Variants in ZNF143 observed in about 807,000 individuals in gnomAD.
ZNF143 encodes SPH-binding factor.
Under a neutral mutation model 74.1 loss-of-function variants are expected in ZNF143, and 49 were observed. The ratio of observed to expected loss-of-function variants is 0.66; its 90% CI spans 0.53 to 0.84. The LOEUF is 0.84. ZNF143 is among the 40% of genes least tolerant of loss of function. The pLI, the probability that ZNF143 is intolerant of heterozygous loss-of-function variation, is 0.00. For synonymous variants in ZNF143, 304 were observed against 282.8 expected, an observed-to-expected ratio of 1.07 and a Z score of -0.75; for missense variants, 637 against 793.4, an observed-to-expected ratio of 0.80 and a Z score of 2.37.
In ZNF143 at chr11:9,476,746, C is replaced by CTTTTTTTTTTTTTT. The variant is rs869069237; in HGVS notation, c.374-1626_374-1613dup. ...TTGTTGTGAAGCCAAAGGGAGGAAT[C>CTTTTTTTTTTTTTT]TTTTTTTTTTTTTTTTTTTTTTTTT... On this transcript the variant is annotated intron_variant, in intron 5 of 15. Transcript: ENST00000396602. Among the ~76,000 whole-genome samples, 9 of 34,834 alleles carry CTTTTTTTTTTTTTT rather than the reference C, an allele frequency of 2.6e-4. 2 individuals are homozygous for CTTTTTTTTTTTTTT. Among genetic ancestry groups the CTTTTTTTTTTTTTT allele is most frequent in the Non-Finnish European group, 3.7e-4 (7 of 18,722 alleles). The allele number at this position is 34,834 out of a possible 152,430, so 22.9% of individuals were successfully genotyped here.
intron 8 of ZNF143, 145 bp downstream of exon 8, chr11:9,494,910 G>C: frequency 1.2e-6 from 1 of 859,922 alleles, no homozygotes; most frequent in Non-Finnish European, 1.7e-6. Context: ...ACACAGACAT[G>C]TAAAAACCTA....
At chr11:9,496,434 A>G in intron 9 of ZNF143, 56 bp downstream of exon 9, 1 of 1,470,706 alleles carries the variant, frequency 6.8e-7, no homozygotes. Context: ...AAGTAGAGAC[A>G]GGCTAGTGGA....
chr11:9,501,925 CTTTTTT>C (rs57169874), intron 11 of ZNF143, among the ~76,000 whole-genome samples: 2 of 37,436 alleles, frequency 5.3e-5, no homozygotes, highest in South Asian at 1.3e-3. Flanking sequence ...TGGATATATT[CTTTTTT>C]TTTTTTTTTT....
intron 9 of ZNF143, 86 bp downstream of exon 9, chr11:9,496,464 G>C: frequency 8.8e-7 from 1 of 1,137,192 alleles, no homozygotes. Context: ...CCCCTTGGCT[G>C]TGTCTGAATC....
intron 11 of ZNF143, among the ~76,000 whole-genome samples, chr11:9,502,241 CTT>C (rs1183629630): frequency 1.9e-4 from 11 of 56,968 alleles, no homozygotes; most frequent in Non-Finnish European, 2.4e-4. Flanking sequence ...TGGCCATATT[CTT>C]TTTTTTTTTT....
intron 11 of ZNF143, among the ~76,000 whole-genome samples, chr11:9,505,550 T>C (rs545253958): frequency 6.6e-6 from 1 of 152,168 alleles, no homozygotes; most frequent in South Asian, 2.1e-4. Context: ...TTGTGTGCTA[T>C]ACATAAACAT....
intron 5 of ZNF143, among the ~76,000 whole-genome samples, chr11:9,477,524 G>C (rs1590525975): frequency 6.6e-6 from 1 of 151,990 alleles, no homozygotes; most frequent in East Asian, 1.9e-4. Flanking sequence ...CAAAGTGTTG[G>C]GATTACAGGC....
At chr11:9,499,238 C>G (rs1440986925) in intron 10 of ZNF143, among the ~76,000 whole-genome samples, 1 of 152,038 alleles carries the variant, frequency 6.6e-6, no homozygotes, top group Non-Finnish European at 1.5e-5. Context: ...CAGAAGATTA[C>G]AGTGCAAAAA....
At chr11:9,493,171 G>A (rs1333107216) in intron 7 of ZNF143, among the ~76,000 whole-genome samples, 1 of 150,914 alleles carries the variant, frequency 6.6e-6, no homozygotes, top group African/African-American at 2.4e-5. Flanking sequence ...CCAGGTTCAA[G>A]CGATTCTCCT....
rs756778809 is a variant in ZNF143, at chr11:9,471,331, G to A, written c.23G>A (p.Arg8Gln). The change falls in exon 2 of 16, where the codon CGA (arginine) becomes CAA (glutamine). Residue 8 changes from arginine (R) to glutamine (Q), a missense_variant. By Grantham distance (43) the Arg-to-Gln change is conservative (BLOSUM62 1). Around this residue, in one of 2 missense-constraint regions of ZNF143, gnomAD observed 293 missense variants for 307.8 expected, o/e 0.95. Coordinates refer to ENST00000396602, the MANE Select transcript of ZNF143 (RefSeq NM_003442.6). ...AAGATGTTGTTAGCCCAAATAAATC[G>A]AGATTCTCAGGGAATGACAGAGTTT... MLLAQINRDSQGMTEFPG... is the reference protein window; with the variant it reads MLLAQINQDSQGMTEFPG... 1.9e-6 allele frequency: 3 copies of A among 1,611,320 alleles called. No individual in the cohort carries two copies. The highest frequency in any genetic ancestry group is 1.7e-5 in the Admixed American group (1 of 59,502).
At chr11:9,469,412 A>G (rs1468155894) in intron 1 of ZNF143, among the ~76,000 whole-genome samples, 1 of 151,638 alleles carries the variant, frequency 6.6e-6, no homozygotes, top group East Asian at 2.0e-4. Context: ...TTGTATTTTT[A>G]GTAGTGACGG....
At chr11:9,481,898 A>G (rs958126332) in intron 7 of ZNF143, among the ~76,000 whole-genome samples, 3 of 151,594 alleles carry the variant, frequency 2.0e-5, no homozygotes, top group African/African-American at 7.3e-5. Context: ...AAAAAAAAAA[A>G]AAAATTTCAG....
intron 7 of ZNF143, among the ~76,000 whole-genome samples, chr11:9,481,730 A>C (rs1237432519): frequency 1.3e-5 from 2 of 151,696 alleles, no homozygotes; most frequent in African/African-American, 4.8e-5. Flanking sequence ...TCTACTAAAA[A>C]TACAAGAATT....
At chr11:9,485,933 G>A (rs1188734027) in intron 7 of ZNF143, among the ~76,000 whole-genome samples, 1 of 151,200 alleles carries the variant, frequency 6.6e-6, no homozygotes, top group African/African-American at 2.5e-5. Context: ...CAACCCTACT[G>A]AGTCTCTCAC....
chr11:9,474,392 G>T (rs554986449), intron 4 of ZNF143, among the ~76,000 whole-genome samples, 158 bp from the exon 5 acceptor site: 157 of 152,124 alleles, frequency 1.0e-3, no homozygotes, highest in African/African-American at 3.5e-3. Flanking sequence ...AAACACTGAC[G>T]CAGGGAAGCT....
At chr11:9,526,035 G>C (rs539363584) in intron 15 of ZNF143, among the ~76,000 whole-genome samples, 1 of 151,992 alleles carries the variant, frequency 6.6e-6, no homozygotes, top group African/African-American at 2.4e-5. Context: ...CCAGCTACTT[G>C]GGGGGTGCTG....
intron 1 of ZNF143, 38 bp downstream of exon 1, chr11:9,461,114 T>G: frequency 8.1e-6 from 8 of 983,928 alleles, no homozygotes; most frequent in Non-Finnish European, 9.7e-6. Context: ...GTGTGCATTA[T>G]TCTCCGCCTG....
At chr11:9,475,284 T>C (rs922950231) in intron 5 of ZNF143, among the ~76,000 whole-genome samples, 1 of 152,146 alleles carries the variant, frequency 6.6e-6, no homozygotes, top group Non-Finnish European at 1.5e-5. Context: ...TTCTGTATTT[T>C]AGAGATAAGA....
intron 8 of ZNF143, among the ~76,000 whole-genome samples, chr11:9,496,088 C>A (rs1847948074): frequency 6.6e-6 from 1 of 152,072 alleles, no homozygotes. Flanking sequence ...GTTCCTGTTC[C>A]CTACTTAAAA....
Sources: allele counts gnomAD v4.1 joint callset (sites outside exome capture counted in the v4.1 genomes callset), GRCh38; gene constraint gnomAD v4.1.1; regional missense constraint gnomAD v4.1.1; transcripts MANE v1.5; gene names NCBI Gene and HGNC (gene_info 2026-07-23, HGNC 2026-07-21).